MTHFD1L: variants seen among roughly 807,000 people sequenced by gnomAD.
MTHFD1L encodes methylenetetrahydrofolate dehydrogenase (NADP+ dependent) 1 like, also known as monofunctional C1-tetrahydrofolate synthase, mitochondrial.
Under a neutral mutation model 119.5 loss-of-function variants are expected in MTHFD1L, and 81 were observed. The observed-to-expected ratio is 0.68, with a 90% CI of 0.57 to 0.82. MTHFD1L has a LOEUF of 0.82. MTHFD1L is among the 40% of genes least tolerant of loss of function. The probability of loss-of-function intolerance (pLI) is 0.00; values close to 1 mark genes in which losing one functional copy is unlikely to be tolerated. For missense variants in MTHFD1L, 1,125 were observed against 1,253.4 expected (o/e 0.90, Z 1.55); for synonymous variants, 430 against 475.2 (o/e 0.90, Z 1.24).
chr6:150,876,143 C>G lies in MTHFD1L; in HGVS notation c.281C>G (p.Pro94Arg). 1 of 1,604,012 alleles carries G rather than the reference C, an allele frequency of 6.2e-7. No individual in the cohort carries two copies. Among genetic ancestry groups the G allele is most frequent in the Non-Finnish European group, 8.5e-7 (1 of 1,175,192 alleles). ...CTAAGTTTATTGCAAGAAAAAAACC[C>G]TGCCTTCAAGCCGGTTCTTGCAATT... is the stretch of plus-strand genomic sequence containing the variant. ...EVLSLLQEKN[P>R]AFKPVLAIIQ... is the part of the protein sequence containing the mutation. Residue 94 changes from proline to arginine, a missense_variant, in exon 2 of 28, where the codon CCT becomes CGT. Transcript: ENST00000367321.
chr6:151,044,652 CATG>C lies in MTHFD1L; in HGVS notation c.2847+7536_2847+7538del, dbSNP rs368946690. Reference sequence around the variant, plus strand: ...GGATTGGCCTGGGCTGTACCTATCTCATGGTGGAAACCTGCCCAGGGACCAGGC... The same window carrying C: ...GGATTGGCCTGGGCTGTACCTATCTCGTGGAAACCTGCCCAGGGACCAGGC... On this transcript the variant is annotated intron_variant, in intron 26 of 27. Transcript: ENST00000367321. Among the ~76,000 whole-genome samples the C allele has an allele frequency of 7.9e-5, 12 of 152,278 alleles. No individual in the cohort carries two copies. The South Asian group carries it at 1.5e-3, about 18-fold the overall frequency.
intron 11 of MTHFD1L, chr6:150,934,948 A>T: frequency 1.3e-6 from 2 of 1,521,284 alleles, no homozygotes; most frequent in Non-Finnish European, 8.8e-7. Flanking sequence ...TCAATTTGGG[A>T]CATTTATTTG....
At chr6:150,892,979 G>A (rs1783579436) in intron 7 of MTHFD1L, among the ~76,000 whole-genome samples, 1 of 152,218 alleles carries the variant, frequency 6.6e-6, no homozygotes, top group South Asian at 2.1e-4. Context: ...GTGTCCTGGG[G>A]CACCCAATCA....
chr6:150,944,090 G>C (rs1384116555), intron 13 of MTHFD1L, among the ~76,000 whole-genome samples: 2 of 152,158 alleles, frequency 1.3e-5, no homozygotes, highest in Non-Finnish European at 2.9e-5. Flanking sequence ...GGAAGGCTTT[G>C]ACCTTGATTT....
chr6:150,866,768 G>A, intron 1 of MTHFD1L: 1 of 913,504 alleles, frequency 1.1e-6, no homozygotes, highest in Non-Finnish European at 1.3e-6. Context: ...GGCCCAGAGC[G>A]AACTGGGAGC....
chr6:151,007,623 A>G (rs529781741), intron 20 of MTHFD1L, among the ~76,000 whole-genome samples: 11 of 152,302 alleles, frequency 7.2e-5, no homozygotes, highest in African/African-American at 2.4e-4. Context: ...ACAGCGCCGC[A>G]TAATCCAGTA....
intron 18 of MTHFD1L, among the ~76,000 whole-genome samples, chr6:150,960,657 T>G (rs1460126932): frequency 6.6e-6 from 1 of 152,170 alleles, no homozygotes; most frequent in African/African-American, 2.4e-5. Context: ...TCAGGAGCTT[T>G]CCACCATCCT....
At chr6:150,912,204 C>A (rs572731861) in intron 8 of MTHFD1L, among the ~76,000 whole-genome samples, 2 of 152,080 alleles carry the variant, frequency 1.3e-5, no homozygotes, top group Non-Finnish European at 2.9e-5. Flanking sequence ...AGACACAGAA[C>A]CAAACCATAT....
At chr6:150,948,873 T>C (rs1397856890) in intron 15 of MTHFD1L, among the ~76,000 whole-genome samples, 158 bp from the exon 16 acceptor site, 2 of 152,110 alleles carry the variant, frequency 1.3e-5, no homozygotes, top group African/African-American at 2.4e-5. Flanking sequence ...ACTCCTGACC[T>C]CAGGTGATCT....
At chr6:151,024,156 T>G (rs535633331) in intron 24 of MTHFD1L, among the ~76,000 whole-genome samples, 2 of 152,164 alleles carry the variant, frequency 1.3e-5, no homozygotes, top group East Asian at 3.9e-4. Flanking sequence ...GGAACGAGCG[T>G]TGCACCTGTA....
At chr6:150,875,736 T>C (rs913336278) in intron 1 of MTHFD1L, among the ~76,000 whole-genome samples, 7 of 152,112 alleles carry the variant, frequency 4.6e-5, no homozygotes, top group African/African-American at 1.7e-4. Context: ...TTTGGGAGGA[T>C]GGCAGCGGAG....
intron 7 of MTHFD1L, among the ~76,000 whole-genome samples, chr6:150,905,038 T>TC (rs1192250097): frequency 1.7e-5 from 2 of 115,860 alleles, no homozygotes; most frequent in Non-Finnish European, 3.8e-5. Context: ...GTTTTCCTCT[T>TC]TTTTTTTTTT....
chr6:150,985,555 G>C (rs1300005524), intron 20 of MTHFD1L, among the ~76,000 whole-genome samples: 2 of 151,720 alleles, frequency 1.3e-5, no homozygotes, highest in South Asian at 2.1e-4. Flanking sequence ...CAGCTACTTG[G>C]GGGGCTGAGG....
At chr6:150,903,271 G>T (rs541400045) in intron 7 of MTHFD1L, among the ~76,000 whole-genome samples, 2 of 134,542 alleles carry the variant, frequency 1.5e-5, no homozygotes, top group South Asian at 4.9e-4. Context: ...AGGCTGGAGT[G>T]CAGTGGTGCA....
At chr6:150,907,438 A>C (rs1281842715) in intron 8 of MTHFD1L, among the ~76,000 whole-genome samples, 1 of 152,196 alleles carries the variant, frequency 6.6e-6, no homozygotes, top group Non-Finnish European at 1.5e-5. Flanking sequence ...GCACAGATAA[A>C]CCCATCAGAA....
intron 19 of MTHFD1L, among the ~76,000 whole-genome samples, chr6:150,966,594 G>C (rs559527546): frequency 1.3e-5 from 2 of 152,150 alleles, no homozygotes; most frequent in Admixed American, 1.3e-4. Context: ...AGGCCAAGGC[G>C]GGCAGATCCC....
rs773310385 is a variant in MTHFD1L, at chr6:150,960,297, C to T, written c.1826C>T (p.Ala609Val). 1 of 1,613,528 alleles carries T rather than the reference C, an allele frequency of 6.2e-7. No individual in the cohort carries two copies. Among genetic ancestry groups the T allele is most frequent in the East Asian group, 2.2e-5 (1 of 44,850 alleles). Residue 609 changes from alanine to valine, a missense_variant, in exon 18 of 28, where the codon GCC (alanine) becomes GTC (valine). This residue lies in a region of MTHFD1L where 1,058 missense variants were observed against 1,151.2 expected (regional missense o/e 0.92). Transcript: ENST00000367321. ...CAGGCGCAGTTTGACATCGCAGTGG[C>T]CAGCGAGATCATGGCGGTGCTGGCC... Reference protein sequence around the residue: ...YRQAQFDIAVASEIMAVLALT... With the variant: ...YRQAQFDIAVVSEIMAVLALT...
rs7743376 is a variant in MTHFD1L, at chr6:151,004,008, T to A, written c.2126-5811T>A. Among the ~76,000 whole-genome samples the A allele has an allele frequency of 4.6e-3, 581 of 126,032 alleles. 4 individuals are homozygous for A. Among genetic ancestry groups the A allele is most frequent in the East Asian group, 0.014 (55 of 3,926 alleles). 82.7% of individuals were successfully genotyped at this position (126,032 alleles called of 152,430 possible). On this transcript the variant is annotated intron_variant, in intron 20 of 27. Coordinates refer to ENST00000367321, the MANE Select transcript of MTHFD1L (RefSeq NM_015440.5). ...AAGTGAGGATGTTAATGCTTTTTTTTAAAAAAAAAAAAAAAAAAAGAGAGA... is the reference window on the plus strand; with the variant it reads ...AAGTGAGGATGTTAATGCTTTTTTTAAAAAAAAAAAAAAAAAAAAGAGAGA...
chr6:151,024,810 C>A (rs1282021753), intron 24 of MTHFD1L, among the ~76,000 whole-genome samples: 1 of 152,136 alleles, frequency 6.6e-6, no homozygotes, highest in Non-Finnish European at 1.5e-5. Context: ...TCATGCCCGG[C>A]CTGTTTTTTT....
Sources: allele counts gnomAD v4.1 joint callset (sites outside exome capture counted in the v4.1 genomes callset), GRCh38; gene constraint gnomAD v4.1.1; regional missense constraint gnomAD v4.1.1; transcripts MANE v1.5; gene names NCBI Gene and HGNC (gene_info 2026-07-23, HGNC 2026-07-21).